The following DNM2 variants were observed in gnomAD, a reference collection of about 807,000 sequenced individuals.
DNM2 encodes the protein dynamin 2.
DNM2 carries 15 observed loss-of-function variants against 99.0 expected under a neutral mutation model. That is an observed-to-expected ratio of 0.15 (90% CI 0.10 to 0.23). The LOEUF is 0.23. Ranked by LOEUF, DNM2 falls within the 10% of genes least tolerant of loss-of-function variation. The probability of loss-of-function intolerance (pLI) is 1.00; values close to 1 mark genes in which losing one functional copy is unlikely to be tolerated. For missense variants in DNM2, 742 were observed against 1,189.4 expected (o/e 0.62, Z 5.53); for synonymous variants, 525 against 481.2 (o/e 1.09, Z -1.19).
chr19:10,819,884 C>A (rs372487619), intron 15 of DNM2, 96 bp from the exon 16 acceptor site: 1 of 1,135,840 alleles, frequency 8.8e-7, no homozygotes, highest in South Asian at 1.2e-5. Context: ...GAGAAGCCCC[C>A]GGGGCTGGTG....
intron 1 of DNM2, among the ~76,000 whole-genome samples, chr19:10,739,808 A>T (rs1040442031): frequency 1.4e-5 from 2 of 146,898 alleles, no homozygotes; most frequent in African/African-American, 5.1e-5. Context: ...GTGAGCCGAG[A>T]TCACTCCACT....
At chr19:10,771,420 G>A (rs528152059) in intron 2 of DNM2, among the ~76,000 whole-genome samples, 24 of 152,266 alleles carry the variant, frequency 1.6e-4, no homozygotes, top group African/African-American at 5.3e-4. Context: ...GTTATACCCA[G>A]AAAACATTTC....
rs918914036 is a variant in DNM2, at chr19:10,820,004, C to T, written c.1696C>T (p.Pro566Ser). 3 of 1,614,212 alleles carry T rather than the reference C, an allele frequency of 1.9e-6. No homozygotes were observed. The highest frequency in any genetic ancestry group is 2.5e-6 in the Non-Finnish European group (3 of 1,180,040). Residue 566 changes from proline to serine, a missense_variant, in exon 16 of 21, where the codon CCT (proline) becomes TCT (serine). By Grantham distance (74) the Pro-to-Ser change is moderately conservative. This residue lies in a region of DNM2 where 240 missense variants were observed against 431.3 expected (regional missense o/e 0.56). Coordinates refer to ENST00000389253, the MANE Select transcript of DNM2 (RefSeq NM_001005361.3). The surrounding 1 kb of genome is among the most constrained non-coding windows in gnomAD (Gnocchi z 4.3). ...EEEKEKKYML[P>S]LDNLKIRDVE... ...GGAGAAAGAGAAGAAGTACATGCTGCCTCTGGACAACCTCAAGATCCGTGA... is the reference window on the plus strand; with the variant it reads ...GGAGAAAGAGAAGAAGTACATGCTGTCTCTGGACAACCTCAAGATCCGTGA...
chr19:10,758,817 A>C (rs901591652), intron 1 of DNM2, among the ~76,000 whole-genome samples: 1 of 152,060 alleles, frequency 6.6e-6, no homozygotes, highest in Admixed American at 6.5e-5. Context: ...CAAAGTGCTG[A>C]GGTTACAGGC....
chr19:10,730,158 C>T (rs1238235147), intron 1 of DNM2, among the ~76,000 whole-genome samples: 1 of 152,154 alleles, frequency 6.6e-6, no homozygotes, highest in East Asian at 1.9e-4. Flanking sequence ...GCCACCTCTC[C>T]CAGCCACGTG....
Position 10,820,654 on chromosome 19 carries a change from G to A in DNM2, c.1781+565G>A, listed in dbSNP as rs2072942122. ...GAGGTGGGGAAGGCAGCGGCAGGTA[G>A]GCCTGGAGACAGCCAAGAGCTCCAT... On this transcript the variant is annotated intron_variant, in intron 16 of 20. Transcript: ENST00000389253. This position sits in a 1 kb window ranked among gnomAD's most constrained non-coding sequence, Gnocchi z 4.3. Among the ~76,000 whole-genome samples the A allele has an allele frequency of 6.6e-6, 1 of 152,254 alleles. No homozygotes were observed. The highest frequency in any genetic ancestry group is 2.4e-5 in the African/African-American group (1 of 41,472).
At chr19:10,739,096 C>G (rs1045970196) in intron 1 of DNM2, among the ~76,000 whole-genome samples, 1 of 152,026 alleles carries the variant, frequency 6.6e-6, no homozygotes, top group Admixed American at 6.6e-5. Flanking sequence ...TGGCTTGAAT[C>G]CTGGAGGAGG....
intron 1 of DNM2, 41 bp downstream of exon 1, chr19:10,718,444 AG>A: frequency 7.4e-7 from 1 of 1,359,234 alleles, no homozygotes; most frequent in South Asian, 2.0e-5. Context: ...GTGGCGGCCT[AG>A]GGCGCGGAGG....
At chr19:10,752,550 G>T (rs1010414515) in intron 1 of DNM2, among the ~76,000 whole-genome samples, 1 of 152,240 alleles carries the variant, frequency 6.6e-6, no homozygotes, top group Non-Finnish European at 1.5e-5. Context: ...GCCGGGCCCT[G>T]GCTGGGAGTT....
chr19:10,795,727 A>T lies in DNM2; in HGVS notation c.1196+288A>T. ...GTGTGAACCTCATGCTAAACTAAGAATGCTCACTGCAGATTTGCCTGGGGA... is the reference window on the plus strand; with the variant it reads ...GTGTGAACCTCATGCTAAACTAAGATTGCTCACTGCAGATTTGCCTGGGGA... On this transcript the variant is annotated intron_variant, in intron 9 of 20. Coordinates refer to ENST00000389253, the MANE Select transcript of DNM2 (RefSeq NM_001005361.3). This position sits in a 1 kb window ranked among gnomAD's most constrained non-coding sequence, Gnocchi z 4.2. The T allele has an allele frequency of 1.7e-6, 1 of 578,076 alleles. No homozygotes were observed. Among genetic ancestry groups the T allele is most frequent in the Non-Finnish European group, 3.1e-6 (1 of 324,566 alleles). The allele number at this position is 578,076 out of a possible 1,614,324, so 35.8% of individuals were successfully genotyped here.
Position 10,831,126 on chromosome 19 carries a change from G to GC in DNM2, c.*83dup, listed in dbSNP as rs2073338048. 6.7e-7 allele frequency: 1 copy of GC among 1,498,096 alleles called. No homozygotes were observed. Among genetic ancestry groups the GC allele is most frequent in the South Asian group, 1.3e-5 (1 of 78,844 alleles). 92.8% of individuals were successfully genotyped at this position (1,498,096 alleles called of 1,614,324 possible). The stretch of plus-strand genomic sequence containing the variant: ...CTTCAGTGGTCTGGGGCCCTCCGCC[G>GC]CCCCTATGCTGGGACCAGGCTCCCA... On this transcript the variant is annotated 3_prime_UTR_variant, in exon 21 of 21. Transcript: ENST00000389253. The surrounding 1 kb of genome is among the most constrained non-coding windows in gnomAD (Gnocchi z 4.3).
rs868810675 is a variant in DNM2, at chr19:10,831,123, G to A, written c.*76G>A. On this transcript the variant is annotated 3_prime_UTR_variant, in exon 21 of 21. Transcript: ENST00000389253. The surrounding 1 kb of genome is among the most constrained non-coding windows in gnomAD (Gnocchi z 4.3). Reference sequence around the variant, plus strand: ...GAGCTTCAGTGGTCTGGGGCCCTCCGCCGCCCCTATGCTGGGACCAGGCTC... The same window carrying A: ...GAGCTTCAGTGGTCTGGGGCCCTCCACCGCCCCTATGCTGGGACCAGGCTC... The A allele has an allele frequency of 3.7e-5, 55 of 1,506,664 alleles. No homozygotes were observed. The Middle Eastern group carries it at 6.1e-4, about 17-fold the overall frequency. The allele number at this position is 1,506,664 out of a possible 1,614,324, so 93.3% of individuals were successfully genotyped here. A position where few individuals can be genotyped will look rare whatever the true frequency, so the allele number is the denominator to read the frequency against.
intron 16 of DNM2, among the ~76,000 whole-genome samples, chr19:10,821,721 G>A (rs1220717893): frequency 2.6e-5 from 4 of 152,120 alleles, no homozygotes; most frequent in Admixed American, 6.6e-5. Context: ...AGTAGAGACG[G>A]GGTTTCTCCA....
chr19:10,740,374 T>A (rs1456533379), intron 1 of DNM2, among the ~76,000 whole-genome samples: 5 of 146,926 alleles, frequency 3.4e-5, no homozygotes, highest in African/African-American at 1.3e-4. Flanking sequence ...ATCTTTCTCT[T>A]TTTTTTGTTT....
chr19:10,805,558 C>G (rs1352831426), intron 12 of DNM2, among the ~76,000 whole-genome samples: 1 of 152,116 alleles, frequency 6.6e-6, no homozygotes, highest in Non-Finnish European at 1.5e-5. Flanking sequence ...CTACTTGAGC[C>G]CGGGAGGGTC....
intron 12 of DNM2, 196 bp downstream of exon 12, chr19:10,802,554 C>A: frequency 1.5e-6 from 1 of 675,294 alleles, no homozygotes; most frequent in South Asian, 1.6e-5. Context: ...CCCCAACCAA[C>A]ACGCCTTCTG....
rs2073300132 is a variant in DNM2 at position 10,830,432 on chromosome 19, C to G, written c.2543+54C>G. On this transcript the variant is annotated intron_variant, in intron 20 of 20. Coordinates refer to ENST00000389253, the MANE Select transcript of DNM2 (RefSeq NM_001005361.3). This position sits in a 1 kb window ranked among gnomAD's most constrained non-coding sequence, Gnocchi z 4.8. ...AACTGCCTGCACCCTGGGGTCTCTC[C>G]TCCTGTCTCACTTCCTCCCAGTGAG... The G allele has an allele frequency of 6.3e-7, 1 of 1,583,010 alleles. No homozygotes were observed. The highest frequency in any genetic ancestry group is 8.6e-7 in the Non-Finnish European group (1 of 1,165,422).
At position 10,831,420 on chromosome 19, in the gene DNM2, G is replaced by A. The variant is rs906210543; in HGVS notation, c.*373G>A. 3.9e-5 allele frequency: 40 copies of A among 1,025,474 alleles called. No homozygotes were observed. The highest frequency in any genetic ancestry group is 4.7e-4 in the Middle Eastern group (1 of 2,116). 63.5% of individuals were successfully genotyped at this position (1,025,474 alleles called of 1,614,324 possible). ...TGTAGGGCAGGCCTTCTATAAGTGCGGGCACCAAGGGCGCCTACATCCCCA... is the reference window on the plus strand; with the variant it reads ...TGTAGGGCAGGCCTTCTATAAGTGCAGGCACCAAGGGCGCCTACATCCCCA... On this transcript the variant is annotated 3_prime_UTR_variant, in exon 21 of 21. Transcript: ENST00000389253. This position sits in a 1 kb window ranked among gnomAD's most constrained non-coding sequence, Gnocchi z 4.3.
chr19:10,773,940 C>T (rs2071066215), intron 3 of DNM2, among the ~76,000 whole-genome samples: 1 of 152,170 alleles, frequency 6.6e-6, no homozygotes, highest in African/African-American at 2.4e-5. Context: ...ACTCTGCATT[C>T]AAACAGCAGC....
Sources: gnomAD v4.1 joint callset for allele counts (sites outside exome capture counted in the v4.1 genomes callset) on GRCh38, gnomAD v4.1.1 for gene constraint, gnomAD v4.1.1 regional missense constraint, Gnocchi (gnomAD v3.1) non-coding constraint, MANE v1.5 for transcripts, NCBI Gene and HGNC (gene_info 2026-07-23, HGNC 2026-07-21) for gene names.